CENPW: variants seen among roughly 807,000 people sequenced by gnomAD.
CENPW encodes the protein centromere protein W.
In CENPW, 3 loss-of-function variants were observed where a neutral mutation model predicts 11.1. That is an observed-to-expected ratio of 0.27 (90% CI 0.12 to 0.70). The LOEUF (loss-of-function observed/expected upper bound fraction) is 0.70, where lower values mean the gene tolerates loss of function less well. Ranked by LOEUF, CENPW falls within the 30% of genes least tolerant of loss-of-function variation. CENPW has a pLI of 0.77. For missense variants in CENPW, 100 were observed against 105.6 expected (o/e 0.95, Z 0.23); for synonymous variants, 38 against 42.0 (o/e 0.91, Z 0.37).
the CENPW span, among the ~76,000 whole-genome samples, chr6:126,452,861 GAA>G: frequency 6.6e-6 from 1 of 150,734 alleles, no homozygotes; most frequent in Non-Finnish European, 1.5e-5. Context: ...TAAAGACAAA[GAA>G]AAATTATTAA....
At chr6:126,481,294 A>C in the CENPW span, among the ~76,000 whole-genome samples, 1 of 151,784 alleles carries the variant, frequency 6.6e-6, no homozygotes, top group Non-Finnish European at 1.5e-5. Flanking sequence ...TTTGGGGTGC[A>C]TACTTAGAAT....
chr6:126,381,728 G>A, the CENPW span, among the ~76,000 whole-genome samples: 1 of 152,112 alleles, frequency 6.6e-6, no homozygotes, highest in Admixed American at 6.5e-5. Context: ...GAAGGGCTTT[G>A]GCTGGCACCG....
downstream of CENPW, among the ~76,000 whole-genome samples, chr6:126,352,700 A>C (rs982676796): frequency 1.3e-5 from 2 of 152,002 alleles, no homozygotes; most frequent in Admixed American, 6.6e-5. Context: ...ATCAGTGTAT[A>C]TTTGGGTTTT....
At chr6:126,437,571 C>T in the CENPW span, among the ~76,000 whole-genome samples, 8 of 151,956 alleles carry the variant, frequency 5.3e-5, no homozygotes, top group Admixed American at 2.0e-4. Context: ...GTTTTGTCTA[C>T]AAATGGAAAT....
At chr6:126,391,853 A>G in the CENPW span, among the ~76,000 whole-genome samples, 2 of 152,084 alleles carry the variant, frequency 1.3e-5, no homozygotes, top group African/African-American at 2.4e-5. Flanking sequence ...TGCCAGTGCC[A>G]TGCTGTTTTG....
Position 126,340,153 on chromosome 6 carries a change from T to G in CENPW, c.-121T>G. Reference sequence around the variant, plus strand: ...CGGATTCGAACGTTCGGACTGAGGTTTTTCTGCCTGAAGAAGCGTCATACG... The same window carrying G: ...CGGATTCGAACGTTCGGACTGAGGTGTTTCTGCCTGAAGAAGCGTCATACG... On this transcript the variant is annotated 5_prime_UTR_variant, in exon 1 of 3. Transcript: ENST00000368328. 1.1e-6 allele frequency: 1 copy of G among 940,062 alleles called. No homozygotes were observed. The highest frequency in any genetic ancestry group is 1.6e-6 in the Non-Finnish European group (1 of 608,820). The allele number at this position is 940,062 out of a possible 1,614,324, so 58.2% of individuals were successfully genotyped here. A position where few individuals can be genotyped will look rare whatever the true frequency, so the allele number is the denominator to read the frequency against.
At chr6:126,436,515 A>G in the CENPW span, among the ~76,000 whole-genome samples, 1 of 151,848 alleles carries the variant, frequency 6.6e-6, no homozygotes, top group Non-Finnish European at 1.5e-5. Context: ...TAAATATGAG[A>G]CATTGATTGG....
the CENPW span, among the ~76,000 whole-genome samples, chr6:126,444,250 T>G: frequency 1.3e-5 from 2 of 151,050 alleles, no homozygotes; most frequent in Admixed American, 1.3e-4. Flanking sequence ...AAAGTTTTCC[T>G]GAACTTACAT....
At chr6:126,346,059 C>T (rs1780403404) in intron 1 of CENPW, 146 bp from the exon 2 acceptor site, 2 of 484,720 alleles carry the variant, frequency 4.1e-6, no homozygotes, top group Non-Finnish European at 7.4e-6. Flanking sequence ...AGACTGAATT[C>T]TATGTAATTT....
the CENPW span, among the ~76,000 whole-genome samples, chr6:126,471,768 G>A: frequency 6.6e-6 from 1 of 152,168 alleles, no homozygotes; most frequent in East Asian, 1.9e-4. Flanking sequence ...CATGGGGAAA[G>A]GGTGCAATAA....
chr6:126,459,312 T>G, the CENPW span, among the ~76,000 whole-genome samples: 1 of 151,460 alleles, frequency 6.6e-6, no homozygotes, highest in East Asian at 1.9e-4. Context: ...AGAGTCTATA[T>G]TTTAGACAAT....
the CENPW span, among the ~76,000 whole-genome samples, chr6:126,451,949 C>T: frequency 1.2e-3 from 176 of 150,702 alleles, 1 homozygote; most frequent in Non-Finnish European, 1.9e-3. Flanking sequence ...AATAACTATA[C>T]GAAAGACTTT....
At chr6:126,470,389 G>C in the CENPW span, among the ~76,000 whole-genome samples, 1 of 152,328 alleles carries the variant, frequency 6.6e-6, no homozygotes, top group East Asian at 1.9e-4. Flanking sequence ...CAAGAGTTGA[G>C]GTTTGGGAAC....
At chr6:126,344,004 G>A (rs1230693646) in intron 1 of CENPW, among the ~76,000 whole-genome samples, 3 of 152,178 alleles carry the variant, frequency 2.0e-5, no homozygotes, top group Non-Finnish European at 2.9e-5. Context: ...TTAAGACAGT[G>A]TGGTTTAATT....
At chr6:126,417,152 A>C in the CENPW span, among the ~76,000 whole-genome samples, 1 of 152,192 alleles carries the variant, frequency 6.6e-6, no homozygotes, top group Admixed American at 6.5e-5. Flanking sequence ...AAAGGAGATC[A>C]TTTTGGAGCT....
At chr6:126,437,280 C>T in the CENPW span, among the ~76,000 whole-genome samples, 4 of 151,878 alleles carry the variant, frequency 2.6e-5, no homozygotes, top group Admixed American at 2.6e-4. Flanking sequence ...CCAGTTTACA[C>T]TTAGATATTT....
the CENPW span, among the ~76,000 whole-genome samples, chr6:126,388,172 C>T: frequency 4.6e-5 from 7 of 151,980 alleles, no homozygotes; most frequent in Non-Finnish European, 7.4e-5. Flanking sequence ...ATAAAACCAT[C>T]TATGAGCTAA....
the CENPW span, among the ~76,000 whole-genome samples, chr6:126,416,542 A>G: frequency 5.0e-4 from 76 of 152,274 alleles, no homozygotes; most frequent in African/African-American, 1.7e-3. Context: ...CCCAGGGTCC[A>G]GGAGGAAAAA....
the CENPW span, among the ~76,000 whole-genome samples, chr6:126,386,218 G>A: frequency 6.6e-6 from 1 of 151,960 alleles, no homozygotes; most frequent in African/African-American, 2.4e-5. Context: ...AACCCATATG[G>A]TCAGGTAGGA....
Sources: allele counts gnomAD v4.1 joint callset (sites outside exome capture counted in the v4.1 genomes callset), GRCh38; gene constraint gnomAD v4.1.1; transcripts MANE v1.5; gene names NCBI Gene and HGNC (gene_info 2026-07-23, HGNC 2026-07-21).